The following SYTL2 variants were observed in gnomAD, a reference collection of about 807,000 sequenced individuals.
SYTL2 encodes synaptotagmin-like protein 2.
In SYTL2, 165 loss-of-function variants were observed where a neutral mutation model predicts 198.7. The ratio of observed to expected loss-of-function variants is 0.83; its 90% CI spans 0.73 to 0.94. The LOEUF is 0.94. Among genes scored for constraint, SYTL2 ranks in the 40% least tolerant of loss-of-function variants. SYTL2 has a pLI of 0.00. For missense variants in SYTL2, 2,835 were observed against 2,582.8 expected (o/e 1.10, Z -2.12); for synonymous variants, 966 against 917.7 (o/e 1.05, Z -0.95).
intron 2 of SYTL2, among the ~76,000 whole-genome samples, chr11:85,748,901 G>A (rs1242335275): frequency 6.6e-6 from 1 of 152,144 alleles, no homozygotes; most frequent in Non-Finnish European, 1.5e-5. Context: ...ACACTGGATG[G>A]GGTAGTCATT....
intron 16 of SYTL2, among the ~76,000 whole-genome samples, chr11:85,704,440 T>G (rs1195744496): frequency 6.6e-6 from 1 of 152,150 alleles, no homozygotes; most frequent in Non-Finnish European, 1.5e-5. Context: ...GTAACTCTCC[T>G]AGTAATTCAC....
chr11:85,790,901 T>C (rs1201427247), intron 1 of SYTL2, among the ~76,000 whole-genome samples: 1 of 152,150 alleles, frequency 6.6e-6, no homozygotes, highest in Admixed American at 6.6e-5. Context: ...TGGTGGCTCA[T>C]GTCTGTAATC....
At chr11:85,824,402 T>G in the SYTL2 span, among the ~76,000 whole-genome samples, 1 of 152,128 alleles carries the variant, frequency 6.6e-6, no homozygotes, top group Non-Finnish European at 1.5e-5. Context: ...ACAGAAGATT[T>G]ACCTAAGATC....
chr11:85,737,483 A>C (rs1051715362), intron 5 of SYTL2, 92 bp downstream of exon 5: 5 of 1,023,436 alleles, frequency 4.9e-6, no homozygotes, highest in African/African-American at 3.2e-5. Context: ...ACTGTACTAC[A>C]AAATTCTCTT....
At chr11:85,737,474 C>A (rs933211555) in intron 5 of SYTL2, 101 bp downstream of exon 5, 4 of 881,884 alleles carry the variant, frequency 4.5e-6, no homozygotes, top group African/African-American at 1.7e-5. Context: ...TACCAAAAAA[C>A]TGTACTACAA....
chr11:85,827,847 A>G, the SYTL2 span, among the ~76,000 whole-genome samples: 1 of 152,186 alleles, frequency 6.6e-6, no homozygotes, highest in Non-Finnish European at 1.5e-5. Context: ...GTTAGGTTGA[A>G]GATCTAGGTA....
chr11:85,772,001 T>G (rs2092364562), intron 1 of SYTL2, among the ~76,000 whole-genome samples: 1 of 152,168 alleles, frequency 6.6e-6, no homozygotes, highest in Admixed American at 6.5e-5. Flanking sequence ...CTCCTGGGCT[T>G]AAGCGATCCT....
At chr11:85,718,716 G>T in intron 10 of SYTL2, 74 bp downstream of exon 10, 1 of 1,380,016 alleles carries the variant, frequency 7.2e-7, no homozygotes, top group Non-Finnish European at 1.0e-6. Flanking sequence ...CCCAACAGCT[G>T]CGTCCCGGAG....
chr11:85,779,261 A>C (rs1344275955), intron 1 of SYTL2, among the ~76,000 whole-genome samples: 1 of 152,114 alleles, frequency 6.6e-6, no homozygotes, highest in Admixed American at 6.5e-5. Context: ...GTGTTCTAAC[A>C]AGGGTATTTT....
intron 10 of SYTL2, chr11:85,718,578 T>C (rs2087744031): frequency 5.3e-6 from 3 of 566,244 alleles, no homozygotes; most frequent in East Asian, 5.8e-5. Context: ...TCTGATGAGA[T>C]CCTCATGACA....
At chr11:85,731,705 A>G (rs577355012) in intron 7 of SYTL2, among the ~76,000 whole-genome samples, 2 of 152,214 alleles carry the variant, frequency 1.3e-5, no homozygotes, top group South Asian at 2.1e-4. Context: ...ACCAAAAGCA[A>G]TGGCAACAAA....
intron 2 of SYTL2, among the ~76,000 whole-genome samples, chr11:85,749,195 T>C (rs1279845580): frequency 1.3e-5 from 2 of 152,184 alleles, no homozygotes; most frequent in Non-Finnish European, 2.9e-5. Flanking sequence ...CCTAAAAACT[T>C]TGTTCTAACT....
chr11:85,819,187 T>C, the SYTL2 span, among the ~76,000 whole-genome samples: 1 of 152,184 alleles, frequency 6.6e-6, no homozygotes, highest in Non-Finnish European at 1.5e-5. Flanking sequence ...TTTCTGAAAA[T>C]TGTGCTTACT....
intron 4 of SYTL2, among the ~76,000 whole-genome samples, chr11:85,740,587 C>T (rs1380236029): frequency 1.3e-5 from 2 of 152,166 alleles, no homozygotes; most frequent in African/African-American, 4.8e-5. Flanking sequence ...GAATTCCTCT[C>T]AGAGGGTAGC....
intron 1 of SYTL2, among the ~76,000 whole-genome samples, chr11:85,759,725 A>C (rs1261863354): frequency 6.6e-6 from 1 of 151,990 alleles, no homozygotes; most frequent in Non-Finnish European, 1.5e-5. Context: ...AGCTCTCTGC[A>C]TACTGTCCAC....
At chr11:85,732,886 G>GT (rs1299849263) in intron 7 of SYTL2, among the ~76,000 whole-genome samples, 1 of 151,982 alleles carries the variant, frequency 6.6e-6, no homozygotes, top group South Asian at 2.1e-4. Flanking sequence ...TATTGTTTCT[G>GT]TTTTTTTAAA....
At position 85,742,623 on chromosome 11, in the gene SYTL2, C is replaced by T. The variant is rs572253982; in HGVS notation, c.389+3014G>A. ...AAGAACTATTTATAGCAAACATGAT[C>T]GACGGGCTTATCTTTTGCATGCCAC... On this transcript the variant is annotated intron_variant, in intron 4 of 19. Coordinates refer to ENST00000359152, the MANE Select transcript of SYTL2 (RefSeq NM_206927.4). 3.9e-5 allele frequency among the ~76,000 whole-genome samples: 6 copies of T among 152,276 alleles called. 1 individual carries two copies. The highest frequency in any genetic ancestry group is 1.2e-4 in the African/African-American group (5 of 41,532).
chr11:85,797,130 G>C (rs1566034971), intron 1 of SYTL2, among the ~76,000 whole-genome samples: 1 of 152,180 alleles, frequency 6.6e-6, no homozygotes, highest in Non-Finnish European at 1.5e-5. Context: ...GGTCAAGGCT[G>C]AATAGCTAGG....
In SYTL2 at chr11:85,754,404, C is replaced by T. The variant is rs1036327819; in HGVS notation, c.101+3221G>A. 5.3e-5 allele frequency among the ~76,000 whole-genome samples: 8 copies of T among 152,100 alleles called. 1 individual carries two copies. Among genetic ancestry groups the T allele is most frequent in the Non-Finnish European group, 1.0e-4 (7 of 68,016 alleles). The stretch of plus-strand genomic sequence containing the variant: ...TCCTTCTAAGGAATCAGTCTACTAA[C>T]TAGAATCTCCTGCCCCTTTTTGGAG... On this transcript the variant is annotated intron_variant, in intron 2 of 19. Coordinates refer to ENST00000359152, the MANE Select transcript of SYTL2 (RefSeq NM_206927.4).
Sources: allele counts gnomAD v4.1 joint callset (sites outside exome capture counted in the v4.1 genomes callset), GRCh38; gene constraint gnomAD v4.1.1; transcripts MANE v1.5; gene names NCBI Gene and HGNC (gene_info 2026-07-23, HGNC 2026-07-21).